SLC25A26: variants seen among roughly 807,000 people sequenced by gnomAD.
SLC25A26 encodes mitochondrial S-adenosylmethionine carrier protein.
In SLC25A26, 36 loss-of-function variants were observed where a neutral mutation model predicts 37.8. The observed-to-expected ratio is 0.95, with a 90% CI of 0.73 to 1.26. SLC25A26 has a LOEUF of 1.26. Ranked by LOEUF, SLC25A26 falls within the 50% of genes most tolerant of loss-of-function variation. The pLI is 0.00. For synonymous variants in SLC25A26, 129 were observed against 122.5 expected (o/e 1.05, Z -0.35); for missense variants, 390 against 331.1 (o/e 1.18, Z -1.38).
At chr3:66,182,998 G>A (rs1247526479) in intron 1 of SLC25A26, among the ~76,000 whole-genome samples, 1 of 152,136 alleles carries the variant, frequency 6.6e-6, no homozygotes, top group Admixed American at 6.5e-5. Context: ...GAGGATCAAT[G>A]AAGCAGCTGT....
At chr3:66,242,144 G>C (rs976097698) in intron 2 of SLC25A26, among the ~76,000 whole-genome samples, 3 of 152,172 alleles carry the variant, frequency 2.0e-5, no homozygotes, top group African/African-American at 7.2e-5. Context: ...AGTTGAGGTG[G>C]TTAACCATGA....
intron 1 of SLC25A26, among the ~76,000 whole-genome samples, chr3:66,189,382 G>C (rs2070892638): frequency 6.6e-6 from 1 of 151,676 alleles, no homozygotes; most frequent in Non-Finnish European, 1.5e-5. Context: ...TTGTGATACT[G>C]CTCCTGACAC....
chr3:66,299,667 G>A (rs1235904516), intron 5 of SLC25A26, among the ~76,000 whole-genome samples: 1 of 152,116 alleles, frequency 6.6e-6, no homozygotes, highest in Non-Finnish European at 1.5e-5. Context: ...TGTGCATGAG[G>A]TGTGTGTTTA....
chr3:66,233,905 TA>T (rs1462518597), intron 1 of SLC25A26, among the ~76,000 whole-genome samples: 3 of 152,054 alleles, frequency 2.0e-5, no homozygotes, highest in Non-Finnish European at 4.4e-5. Flanking sequence ...ATTGAAAGAG[TA>T]ATTATTGATT....
intron 1 of SLC25A26, among the ~76,000 whole-genome samples, chr3:66,226,812 C>G (rs1206312465): frequency 6.6e-6 from 1 of 151,948 alleles, no homozygotes; most frequent in East Asian, 1.9e-4. Flanking sequence ...AGAGGTGTCA[C>G]AGGTATGAGC....
At chr3:66,216,301 C>G (rs1329612809), upstream of SLC25A26, among the ~76,000 whole-genome samples, 5 of 152,114 alleles carry the variant, frequency 3.3e-5, no homozygotes, top group African/African-American at 1.2e-4. Flanking sequence ...CGCTTGAGCT[C>G]AGGAGTTCAA....
chr3:66,134,859 T>C (rs1407225821), intron 1 of SLC25A26, among the ~76,000 whole-genome samples: 1 of 152,084 alleles, frequency 6.6e-6, no homozygotes, highest in African/African-American at 2.4e-5. Context: ...AGACGGAGTT[T>C]TGTTCTTGTC....
At chr3:66,220,880 A>C, upstream of SLC25A26, 1 of 600,194 alleles carries the variant, frequency 1.7e-6, no homozygotes. Context: ...GCCGAGACTT[A>C]GCTCCACCAC....
intron 6 of SLC25A26, among the ~76,000 whole-genome samples, chr3:66,348,685 G>A (rs955327382): frequency 6.6e-6 from 1 of 152,190 alleles, no homozygotes; most frequent in African/African-American, 2.4e-5. Flanking sequence ...CATTAACAAA[G>A]TAAATTATGA....
chr3:66,346,311 C>A, intron 5 of SLC25A26, 53 bp from the exon 6 acceptor site: 2 of 931,560 alleles, frequency 2.1e-6, no homozygotes, highest in Admixed American at 2.9e-5. Context: ...GTCATACAGG[C>A]AAACTTGGCT....
At chr3:66,201,538 G>C (rs1489108743) in intron 1 of SLC25A26, among the ~76,000 whole-genome samples, 1 of 151,990 alleles carries the variant, frequency 6.6e-6, no homozygotes, top group Non-Finnish European at 1.5e-5. Flanking sequence ...GTTTCACCAC[G>C]TTGTTCAGGC....
intron 2 of SLC25A26, among the ~76,000 whole-genome samples, chr3:66,242,942 C>A (rs1010075085): frequency 6.6e-6 from 1 of 152,290 alleles, no homozygotes; most frequent in South Asian, 2.1e-4. Context: ...CAGTACAACA[C>A]GGTAAGTGCT....
At chr3:66,287,577 G>T (rs895379124) in intron 5 of SLC25A26, among the ~76,000 whole-genome samples, 36 of 152,064 alleles carry the variant, frequency 2.4e-4, no homozygotes, top group Non-Finnish European at 4.9e-4. Flanking sequence ...TCCTTATATA[G>T]ATTGTGCCAT....
intron 5 of SLC25A26, among the ~76,000 whole-genome samples, chr3:66,287,649 A>G (rs1559659019): frequency 6.6e-6 from 1 of 152,206 alleles, no homozygotes; most frequent in Non-Finnish European, 1.5e-5. Flanking sequence ...ACATTCACCT[A>G]CGGGAATGAG....
chr3:66,218,388 AT>A (rs1228623743), upstream of SLC25A26, among the ~76,000 whole-genome samples: 1 of 152,240 alleles, frequency 6.6e-6, no homozygotes, highest in Admixed American at 6.5e-5. Context: ...ACCATATAAA[AT>A]TCGAAACAGC....
At chr3:66,150,287 C>T (rs943012037) in intron 1 of SLC25A26, among the ~76,000 whole-genome samples, 9 of 151,476 alleles carry the variant, frequency 5.9e-5, no homozygotes, top group African/African-American at 1.9e-4. Flanking sequence ...CTCATGAGGT[C>T]AGGAGTTCAA....
chr3:66,184,703 G>C (rs1197233597), intron 1 of SLC25A26, among the ~76,000 whole-genome samples: 1 of 51,666 alleles, frequency 1.9e-5, no homozygotes, highest in Non-Finnish European at 3.8e-5. Context: ...CCTCCCTCTT[G>C]CTCTCATCTT....
At chr3:66,278,703 A>G (rs938557212) in intron 5 of SLC25A26, among the ~76,000 whole-genome samples, 1 of 152,102 alleles carries the variant, frequency 6.6e-6, no homozygotes, top group Non-Finnish European at 1.5e-5. Context: ...TTCTTATCCT[A>G]CGAACTTTCT....
intron 7 of SLC25A26, among the ~76,000 whole-genome samples, chr3:66,368,800 T>TA (rs1421932913): frequency 6.6e-6 from 1 of 152,016 alleles, no homozygotes; most frequent in South Asian, 2.1e-4. Flanking sequence ...GGAGGAGTGC[T>TA]TGATGCAAGG....
Sources: gnomAD v4.1 joint callset for allele counts (sites outside exome capture counted in the v4.1 genomes callset) on GRCh38, gnomAD v4.1.1 for gene constraint, MANE v1.5 for transcripts, NCBI Gene and HGNC (gene_info 2026-07-23, HGNC 2026-07-21) for gene names.